CCDC141: variants seen among roughly 807,000 people sequenced by gnomAD.
The protein encoded by CCDC141 is coiled-coil domain containing 141, also known as coiled-coil domain-containing protein 141.
A neutral mutation model predicts 181.0 loss-of-function variants in CCDC141; 168 were observed. The ratio of observed to expected loss-of-function variants is 0.93; its 90% CI spans 0.82 to 1.05. CCDC141 has a LOEUF of 1.05. Among genes scored for constraint, CCDC141 ranks in the 50% least tolerant of loss-of-function variants. The probability of loss-of-function intolerance (pLI) is 0.00; values close to 1 mark genes in which losing one functional copy is unlikely to be tolerated. For missense variants in CCDC141, 1,902 were observed against 1,788.5 expected (o/e 1.06, Z -1.14); for synonymous variants, 666 against 642.3 (o/e 1.04, Z -0.56).
intron 17 of CCDC141, among the ~76,000 whole-genome samples, chr2:178,860,101 G>C (rs1685539371): frequency 6.6e-6 from 1 of 152,104 alleles, no homozygotes; most frequent in Admixed American, 6.5e-5. Flanking sequence ...TCTCCACAAT[G>C]TCCACTTCAT....
At chr2:178,948,860 A>G (rs1333392095) in intron 5 of CCDC141, among the ~76,000 whole-genome samples, 9 of 152,160 alleles carry the variant, frequency 5.9e-5, no homozygotes, top group Admixed American at 1.3e-4. Flanking sequence ...CAGATGCCCA[A>G]TCTTTCAGCC....
intron 2 of CCDC141, among the ~76,000 whole-genome samples, chr2:179,031,089 T>C (rs1446167174): frequency 1.3e-5 from 2 of 152,096 alleles, no homozygotes; most frequent in East Asian, 1.9e-4. Context: ...TACAGGACTT[T>C]GAAGTTTTAA....
At chr2:178,964,923 G>C (rs1400169535) in intron 4 of CCDC141, among the ~76,000 whole-genome samples, 1 of 151,912 alleles carries the variant, frequency 6.6e-6, no homozygotes, top group Admixed American at 6.6e-5. Context: ...TAATTGTTTT[G>C]ATTAATTTTC....
intron 1 of CCDC141, among the ~76,000 whole-genome samples, chr2:179,049,197 TGTAAACCC>T (rs1231278999): frequency 5.3e-5 from 8 of 152,202 alleles, no homozygotes; most frequent in African/African-American, 1.9e-4. Context: ...ATGCAGTAAT[TGTAAACCC>T]TAAGTGGCTT....
At chr2:178,910,734 A>G (rs1023056485) in intron 7 of CCDC141, among the ~76,000 whole-genome samples, 1 of 152,230 alleles carries the variant, frequency 6.6e-6, no homozygotes, top group African/African-American at 2.4e-5. Flanking sequence ...GCTCCAGCTT[A>G]TTCCTTGCCT....
chr2:179,011,563 C>A (rs1300127267), intron 2 of CCDC141, among the ~76,000 whole-genome samples: 1 of 152,128 alleles, frequency 6.6e-6, no homozygotes, highest in African/African-American at 2.4e-5. Context: ...CTAGACAGAT[C>A]ATCAAGACAG....
chr2:179,021,009 C>T (rs1204280788), intron 2 of CCDC141, among the ~76,000 whole-genome samples: 5 of 152,180 alleles, frequency 3.3e-5, no homozygotes, highest in African/African-American at 4.8e-5. Context: ...ATTGTTAGCA[C>T]ATCACCTGGC....
intron 8 of CCDC141, among the ~76,000 whole-genome samples, chr2:178,905,087 C>T (rs572783476): frequency 6.6e-6 from 1 of 152,240 alleles, no homozygotes; most frequent in African/African-American, 2.4e-5. Flanking sequence ...TCCTCAGAAA[C>T]GAGTAAACAG....
chr2:178,883,133 G>T (rs1283471648), intron 11 of CCDC141, among the ~76,000 whole-genome samples: 1 of 152,126 alleles, frequency 6.6e-6, no homozygotes, highest in African/African-American at 2.4e-5. Context: ...AGCTAAGGAG[G>T]TTCATTTTCG....
intron 4 of CCDC141, among the ~76,000 whole-genome samples, chr2:178,962,644 CTTCT>C (rs1227420979): frequency 3.4e-5 from 5 of 145,384 alleles, no homozygotes; most frequent in Non-Finnish European, 6.1e-5. Flanking sequence ...CTTTCCTTTC[CTTCT>C]TTCTTTCTTT....
Position 179,029,197 on chromosome 2 carries a change from C to A in CCDC141, c.225+18087G>T, listed in dbSNP as rs573412740. ...ACTTCTTTTGAGATCCAAATAAATA[C>A]TTCCCTCTCTTGGGCTGATGACTAT... On this transcript the variant is annotated intron_variant, in intron 2 of 23. Transcript: ENST00000443758. 7.7e-4 allele frequency among the ~76,000 whole-genome samples: 117 copies of A among 152,284 alleles called. 1 individual carries two copies. The highest frequency in any genetic ancestry group is 2.1e-3 in the South Asian group (10 of 4,822).
At chr2:178,884,846 C>A in intron 11 of CCDC141, 55 bp downstream of exon 11, 1 of 1,422,732 alleles carries the variant, frequency 7.0e-7, no homozygotes. Flanking sequence ...CCACAGAAAG[C>A]AAGGACATGG....
At position 178,986,107 on chromosome 2, in the gene CCDC141, G is replaced by A. The variant is rs11892464; in HGVS notation, c.226-7432C>T. The stretch of plus-strand genomic sequence containing the variant: ...AACCGAATCCAGCAGCACATCAAAA[G>A]CTTATCCACCATGATCAAGTGGGCT... On this transcript the variant is annotated intron_variant, in intron 2 of 23. Coordinates refer to ENST00000443758, the MANE Select transcript of CCDC141 (RefSeq NM_173648.4). 4.7e-3 allele frequency among the ~76,000 whole-genome samples: 712 copies of A among 152,168 alleles called. 8 individuals carry two copies. The highest frequency in any genetic ancestry group is 0.016 in the African/African-American group (682 of 41,488).
At chr2:178,926,672 T>G (rs1688918583) in intron 6 of CCDC141, 1 of 152,154 alleles carries the variant, frequency 6.6e-6, no homozygotes, top group African/African-American at 2.4e-5. Flanking sequence ...GCCACTAATT[T>G]AAAAGGGAAA....
chr2:178,905,709 G>A (rs1314756959), intron 7 of CCDC141, among the ~76,000 whole-genome samples: 4 of 152,174 alleles, frequency 2.6e-5, no homozygotes. Flanking sequence ...TAGCTTAGAT[G>A]AGCATAACTA....
intron 4 of CCDC141, among the ~76,000 whole-genome samples, chr2:178,968,019 T>C (rs1690714672): frequency 6.6e-6 from 1 of 152,130 alleles, no homozygotes; most frequent in Non-Finnish European, 1.5e-5. Flanking sequence ...AAGGGACCAA[T>C]GCAGCAAGAA....
At chr2:178,817,458 T>C in the CCDC141 span, 3 of 469,354 alleles carry the variant, frequency 6.4e-6, no homozygotes, top group Admixed American at 2.4e-5. Context: ...GTGGATAATA[T>C]AGAAAAACAT....
rs769688574 is a variant in CCDC141, at chr2:178,837,304, G to C, written c.3915C>G (p.Phe1305Leu). ...TGTGTAAGGCAGTACTCTTTTCCAC[G>C]AATCCTCTGGAGGTTAGTGGGGGCT... ...KAEPPLTSRGFVEKSTALHRI... is the reference protein window; with the variant it reads ...KAEPPLTSRGLVEKSTALHRI... The change falls in exon 23 of 24, where the codon TTC becomes TTG. Residue 1305 changes from phenylalanine (F) to leucine (L), a missense_variant. Coordinates refer to ENST00000443758, the MANE Select transcript of CCDC141 (RefSeq NM_173648.4). The C allele has an allele frequency of 6.8e-6, 11 of 1,614,060 alleles. No individual in the cohort carries two copies. Among genetic ancestry groups the C allele is most frequent in the Non-Finnish European group, 5.1e-6 (6 of 1,179,978 alleles).
chr2:178,907,677 AGTG>A (rs1688032367), intron 7 of CCDC141, among the ~76,000 whole-genome samples: 5 of 152,182 alleles, frequency 3.3e-5, no homozygotes, highest in African/African-American at 1.2e-4. Flanking sequence ...AATGGAGCCA[AGTG>A]CAACAAAATG....
Sources: allele counts gnomAD v4.1 joint callset (sites outside exome capture counted in the v4.1 genomes callset), GRCh38; gene constraint gnomAD v4.1.1; transcripts MANE v1.5; gene names NCBI Gene and HGNC (gene_info 2026-07-23, HGNC 2026-07-21).